C9orf72: variants seen among roughly 807,000 people sequenced by gnomAD.
The protein encoded by C9orf72 is guanine nucleotide exchange factor C9orf72.
A neutral mutation model predicts 51.6 loss-of-function variants in C9orf72; 44 were observed. The observed-to-expected ratio is 0.85, with a 90% confidence interval of 0.67 to 1.10. The LOEUF (loss-of-function observed/expected upper bound fraction) is 1.10, where lower values mean the gene tolerates loss of function less well. Ranked by LOEUF, C9orf72 falls within the 50% of genes least tolerant of loss-of-function variation. C9orf72 has a pLI of 0.00. For missense variants in C9orf72, 607 were observed against 570.6 expected, an observed-to-expected ratio of 1.06 and a Z score of -0.65; for synonymous variants, 213 against 194.2, an observed-to-expected ratio of 1.10 and a Z score of -0.81.
intron 8 of C9orf72, among the ~76,000 whole-genome samples, chr9:27,553,861 C>T (rs1369473049): frequency 1.3e-5 from 2 of 152,014 alleles, no homozygotes; most frequent in Non-Finnish European, 2.9e-5. Context: ...CAAAAAACAA[C>T]CCACCCCACT....
chr9:27,548,743 C>T (rs1159140308), intron 9 of C9orf72, 77 bp from the exon 10 acceptor site: 7 of 780,488 alleles, frequency 9.0e-6, no homozygotes, highest in Non-Finnish European at 2.2e-6. Flanking sequence ...ACAGTGTTGA[C>T]AGTGCTTGGC....
intron 1 of C9orf72, among the ~76,000 whole-genome samples, chr9:27,567,708 G>A (rs1819500810): frequency 6.6e-6 from 1 of 152,058 alleles, no homozygotes; most frequent in Non-Finnish European, 1.5e-5. Context: ...GTTAAAATGG[G>A]GTCATACTGG....
intron 4 of C9orf72, among the ~76,000 whole-genome samples, chr9:27,561,875 T>C (rs1314313706): frequency 6.6e-6 from 1 of 152,088 alleles, no homozygotes; most frequent in African/African-American, 2.4e-5. Flanking sequence ...AAGAACAACT[T>C]CCTCTTCTGA....
At chr9:27,550,041 GTATATGT>G (rs1820874508) in intron 9 of C9orf72, among the ~76,000 whole-genome samples, 1 of 149,944 alleles carries the variant, frequency 6.7e-6, no homozygotes, top group Admixed American at 6.7e-5. Context: ...CTATCATAGA[GTATATGT>G]TATATATTTT....
chr9:27,566,569 T>C (rs943020893), intron 2 of C9orf72, 108 bp downstream of exon 2: 5 of 723,768 alleles, frequency 6.9e-6, no homozygotes, highest in Admixed American at 3.0e-5. Flanking sequence ...ATAACATTTA[T>C]TGTTTGATGT....
intron 5 of C9orf72, chr9:27,561,217 G>C (rs557835944): frequency 3.8e-6 from 4 of 1,040,242 alleles, no homozygotes; most frequent in Non-Finnish European, 4.7e-6. Context: ...AAAAAGATCA[G>C]TATAAATATG....
chr9:27,555,836 T>C (rs890851306), intron 8 of C9orf72, among the ~76,000 whole-genome samples: 36 of 152,120 alleles, frequency 2.4e-4, no homozygotes, highest in African/African-American at 8.4e-4. Context: ...GCTCTGTTCT[T>C]ACAGGCATGA....
chr9:27,567,526 C>A (rs151056982), intron 1 of C9orf72, among the ~76,000 whole-genome samples: 3 of 152,268 alleles, frequency 2.0e-5, no homozygotes, highest in Admixed American at 6.5e-5. Flanking sequence ...TCTAGTATGA[C>A]TGGAGATTTG....
chr9:27,560,820 A>G, intron 5 of C9orf72: 1 of 934,284 alleles, frequency 1.1e-6, no homozygotes, highest in Non-Finnish European at 1.3e-6. Context: ...TAAAAGTAAA[A>G]TTTCATGAAA....
intron 8 of C9orf72, among the ~76,000 whole-genome samples, chr9:27,552,275 C>T (rs1342238104): frequency 6.6e-6 from 1 of 152,132 alleles, no homozygotes; most frequent in African/African-American, 2.4e-5. Flanking sequence ...AAGATATTGG[C>T]TATGGGTCTG....
At chr9:27,556,494 T>C in intron 8 of C9orf72, 67 bp downstream of exon 8, 1 of 1,072,218 alleles carries the variant, frequency 9.3e-7, no homozygotes, top group Admixed American at 2.2e-5. Flanking sequence ...TCTGTTTTGT[T>C]TTTATTCGTA....
chr9:27,554,238 CATG>C (rs1820965206), intron 8 of C9orf72, among the ~76,000 whole-genome samples: 1 of 152,122 alleles, frequency 6.6e-6, no homozygotes, highest in Non-Finnish European at 1.5e-5. Context: ...CAGCACTATT[CATG>C]ATAACAAAGA....
chr9:27,565,471 C>T, intron 3 of C9orf72, 60 bp downstream of exon 3: 1 of 1,113,692 alleles, frequency 9.0e-7, no homozygotes, highest in South Asian at 1.4e-5. Context: ...ATGTAGCCAT[C>T]AACCTTATAC....
At chr9:27,566,560 T>A in intron 2 of C9orf72, 117 bp downstream of exon 2, 2 of 700,302 alleles carry the variant, frequency 2.9e-6, no homozygotes, top group South Asian at 4.2e-5. Context: ...GCAAAATAAA[T>A]AACATTTATT....
chr9:27,562,366 C>T lies in C9orf72; in HGVS notation c.600+15G>A, dbSNP rs374624952. ...AAAACTCATAAAGTGTATAATTGCTCTCATTTAAACTTACATCTATTTCTT... is the reference window on the plus strand; with the variant it reads ...AAAACTCATAAAGTGTATAATTGCTTTCATTTAAACTTACATCTATTTCTT... On this transcript the variant is annotated intron_variant, in intron 4 of 10. Coordinates refer to ENST00000380003, the MANE Select transcript of C9orf72 (RefSeq NM_018325.5). 2.9e-6 allele frequency: 4 copies of T among 1,402,130 alleles called. No individual in the cohort carries two copies. The highest frequency in any genetic ancestry group is 2.0e-5 in the Admixed American group (1 of 50,334). 86.9% of individuals were successfully genotyped at this position (1,402,130 alleles called of 1,614,324 possible). A position where few individuals can be genotyped will look rare whatever the true frequency, so the allele number is the denominator to read the frequency against.
chr9:27,553,197 T>A (rs908600542), intron 8 of C9orf72, among the ~76,000 whole-genome samples: 9 of 152,142 alleles, frequency 5.9e-5, no homozygotes, highest in African/African-American at 2.2e-4. Context: ...ATGATATCCT[T>A]CACAAAACCA....
At chr9:27,572,314 C>A (rs1161401769) in intron 1 of C9orf72, among the ~76,000 whole-genome samples, 1 of 152,122 alleles carries the variant, frequency 6.6e-6, no homozygotes, top group Non-Finnish European at 1.5e-5. Flanking sequence ...GAGGTGGTGA[C>A]AACAATGCCC....
In C9orf72 at chr9:27,565,485, T is replaced by C. The variant is rs1237207610; in HGVS notation, c.504+46A>G. ...AATGTAGCCATCAACCTTATACAGA[T>C]ACATGCTGTGAGAAAAACATTTGAC... On this transcript the variant is annotated intron_variant, in intron 3 of 10. Coordinates refer to ENST00000380003, the MANE Select transcript of C9orf72 (RefSeq NM_018325.5). The C allele has an allele frequency of 4.7e-6, 6 of 1,268,316 alleles. No individual in the cohort carries two copies. In the South Asian group the frequency reaches 7.2e-5, roughly 15 times the overall value. The allele number at this position is 1,268,316 out of a possible 1,614,324, so 78.6% of individuals were successfully genotyped here. A position where few individuals can be genotyped will look rare whatever the true frequency, so the allele number is the denominator to read the frequency against.
Position 27,556,550 on chromosome 9 carries a change from G to A in C9orf72, c.1091+11C>T. On this transcript the variant is annotated intron_variant, in intron 8 of 10. Coordinates refer to ENST00000380003, the MANE Select transcript of C9orf72 (RefSeq NM_018325.5). Reference sequence around the variant, plus strand: ...CTTGACTACAGTACCAGCAGGCAGAGCATTACGTACAAATCAGGAGTAAAG... The same window carrying A: ...CTTGACTACAGTACCAGCAGGCAGAACATTACGTACAAATCAGGAGTAAAG... The A allele has an allele frequency of 3.9e-6, 6 of 1,551,382 alleles. No individual in the cohort carries two copies. Among genetic ancestry groups the A allele is most frequent in the Non-Finnish European group, 5.3e-6 (6 of 1,123,556 alleles).
Sources: gnomAD v4.1 joint callset for allele counts (sites outside exome capture counted in the v4.1 genomes callset) on GRCh38, gnomAD v4.1.1 for gene constraint, MANE v1.5 for transcripts, NCBI Gene and HGNC (gene_info 2026-07-23, HGNC 2026-07-21) for gene names.